Variants in ABLIM1 observed in about 807,000 individuals in gnomAD.
ABLIM1 encodes the protein actin binding LIM protein 1.
A neutral mutation model predicts 107.0 loss-of-function variants in ABLIM1; 40 were observed. That is an observed-to-expected ratio of 0.37 (90% CI 0.29 to 0.49). ABLIM1 has a LOEUF of 0.49. ABLIM1 is among the 20% of genes least tolerant of loss of function. ABLIM1 has a pLI of 0.97. For synonymous variants in ABLIM1, 357 were observed against 357.3 expected (o/e 1.00, Z 0.01); for missense variants, 857 against 1,008.5 (o/e 0.85, Z 2.04).
chr10:114,789,994 T>C, the ABLIM1 span, among the ~76,000 whole-genome samples: 1 of 152,224 alleles, frequency 6.6e-6, no homozygotes, highest in Non-Finnish European at 1.5e-5. Flanking sequence ...CGTTTCGCCA[T>C]GTTGGCCAGG....
upstream of ABLIM1, among the ~76,000 whole-genome samples, chr10:114,769,453 AAGAAAGAAAGAAAG>A (rs1303863271): frequency 1.6e-4 from 10 of 62,490 alleles, no homozygotes; most frequent in African/African-American, 4.8e-4. Flanking sequence ...GAAAGAAAGA[AAGAAAGAAAGAAAG>A]AAAGAAAGAA....
At chr10:114,523,298 C>T (rs114690294) in intron 6 of ABLIM1, among the ~76,000 whole-genome samples, 2,127 of 152,260 alleles carry the variant, frequency 0.014, 51 homozygotes, top group African/African-American at 0.048. Flanking sequence ...TTCAAGACAT[C>T]TGCCCCATCT....
At position 114,436,191 on chromosome 10, in the gene ABLIM1, C is replaced by T; in HGVS notation, c.*69G>A. 1 of 1,292,304 alleles carries T rather than the reference C, an allele frequency of 7.7e-7. No homozygotes were observed. 80.1% of individuals were successfully genotyped at this position (1,292,304 alleles called of 1,614,324 possible). The stretch of plus-strand genomic sequence containing the variant: ...GCAAATTCTCCAATCAAGTTTGGGC[C>T]TCAATATGACATCCTATGGGGCACC... On this transcript the variant is annotated 3_prime_UTR_variant, in exon 23 of 23. Transcript: ENST00000533213.
upstream of ABLIM1, among the ~76,000 whole-genome samples, chr10:114,689,179 T>G (rs2081013918): frequency 6.6e-6 from 1 of 152,136 alleles, no homozygotes; most frequent in Non-Finnish European, 1.5e-5. Flanking sequence ...ATCCAGCATG[T>G]GCCAGACCAG....
At position 114,515,750 on chromosome 10, in the gene ABLIM1, T is replaced by A. The variant is rs1317663772; in HGVS notation, c.895-23872A>T. 2.0e-5 allele frequency among the ~76,000 whole-genome samples: 3 copies of A among 152,126 alleles called. No homozygotes were observed. In the East Asian group the frequency reaches 5.8e-4, roughly 29 times the overall value. ...GGCTGTTAATCCACTATGACTGATGTCCTTATAAGAACAGAAGAGGGAGGG... is the reference window on the plus strand; with the variant it reads ...GGCTGTTAATCCACTATGACTGATGACCTTATAAGAACAGAAGAGGGAGGG... On this transcript the variant is annotated intron_variant, in intron 6 of 22. Coordinates refer to ENST00000533213, the MANE Select transcript of ABLIM1 (RefSeq NM_002313.7).
At chr10:114,605,156 C>T (rs1020814721) in intron 1 of ABLIM1, among the ~76,000 whole-genome samples, 5 of 152,176 alleles carry the variant, frequency 3.3e-5, no homozygotes, top group African/African-American at 4.8e-5. Context: ...AGGGCAGCAT[C>T]CAAAGAGCAG....
At chr10:114,661,843 G>A (rs187879653), upstream of ABLIM1, among the ~76,000 whole-genome samples, 226 of 152,184 alleles carry the variant, frequency 1.5e-3, no homozygotes, top group Middle Eastern at 3.4e-3. Context: ...TCACCAAGGG[G>A]CACTGAGGAC....
intron 4 of ABLIM1, among the ~76,000 whole-genome samples, chr10:114,554,912 C>A (rs2068533569): frequency 6.6e-6 from 1 of 152,070 alleles, no homozygotes; most frequent in African/African-American, 2.4e-5. Context: ...GGACCCTGGG[C>A]AAACTAGGCA....
At chr10:114,516,019 C>T (rs578171449) in intron 6 of ABLIM1, among the ~76,000 whole-genome samples, 52 of 152,278 alleles carry the variant, frequency 3.4e-4, no homozygotes, top group Admixed American at 3.3e-4. Flanking sequence ...CTCCAAAATA[C>T]AGCTGGTTTG....
chr10:114,640,056 C>T (rs535062943), intron 1 of ABLIM1, among the ~76,000 whole-genome samples: 23 of 152,298 alleles, frequency 1.5e-4, no homozygotes, highest in Non-Finnish European at 2.6e-4. Context: ...TATTATATTC[C>T]TTCCTATCCA....
At chr10:114,559,486 G>C (rs182428317) in intron 4 of ABLIM1, among the ~76,000 whole-genome samples, 2 of 107,222 alleles carry the variant, frequency 1.9e-5, no homozygotes, top group East Asian at 5.2e-4. Context: ...AAAGAAAAAA[G>C]AAAAAGATAC....
At chr10:114,797,856 C>T in the ABLIM1 span, among the ~76,000 whole-genome samples, 1 of 152,152 alleles carries the variant, frequency 6.6e-6, no homozygotes, top group Non-Finnish European at 1.5e-5. Flanking sequence ...AAATATTCCA[C>T]TCTGTGACCT....
At chr10:114,703,286 T>C (rs1175957653) in intron 1 of ABLIM1, among the ~76,000 whole-genome samples, 3 of 152,228 alleles carry the variant, frequency 2.0e-5, no homozygotes, top group Non-Finnish European at 4.4e-5. Flanking sequence ...ATCTCAAAGG[T>C]TACTTTTTCC....
rs970759079 is a variant in ABLIM1, at chr10:114,625,732, T to C, written c.245-23771A>G. Among the ~76,000 whole-genome samples, 12 of 152,018 alleles carry C rather than the reference T, an allele frequency of 7.9e-5. No individual in the cohort carries two copies. In the East Asian group the frequency reaches 2.3e-3, roughly 29 times the overall value. On this transcript the variant is annotated intron_variant, in intron 1 of 22. Coordinates refer to ENST00000533213, the MANE Select transcript of ABLIM1 (RefSeq NM_002313.7). Reference sequence around the variant, plus strand: ...ACCACCCCTGTGGTCATTCAAAAGGTAAAAGGGCTCAGGGTGGACATTAGC... The same window carrying C: ...ACCACCCCTGTGGTCATTCAAAAGGCAAAAGGGCTCAGGGTGGACATTAGC...
At chr10:114,659,109 T>A (rs193146605), upstream of ABLIM1, among the ~76,000 whole-genome samples, 3 of 152,324 alleles carry the variant, frequency 2.0e-5, no homozygotes, top group Non-Finnish European at 4.4e-5. Flanking sequence ...ATTGGGCTAT[T>A]ATGTTCTAAT....
intron 1 of ABLIM1, among the ~76,000 whole-genome samples, chr10:114,647,406 T>C (rs1403694903): frequency 6.6e-6 from 1 of 152,154 alleles, no homozygotes; most frequent in Non-Finnish European, 1.5e-5. Flanking sequence ...TAACAGAACA[T>C]ATCCAGCTAC....
chr10:114,694,978 T>TA (rs771226955), intron 1 of ABLIM1, among the ~76,000 whole-genome samples: 4 of 152,146 alleles, frequency 2.6e-5, no homozygotes, highest in Non-Finnish European at 4.4e-5. Flanking sequence ...ACTCTCCAGG[T>TA]ACTGAATCAG....
At chr10:114,436,482 G>A in intron 22 of ABLIM1, 109 bp from the exon 23 acceptor site, 1 of 795,208 alleles carries the variant, frequency 1.3e-6, no homozygotes, top group Non-Finnish European at 2.0e-6. Flanking sequence ...GAACAAGGCA[G>A]GAGGACGGGA....
chr10:114,504,195 C>T (rs1262282294), intron 6 of ABLIM1, among the ~76,000 whole-genome samples: 5 of 152,176 alleles, frequency 3.3e-5, no homozygotes, highest in Non-Finnish European at 7.3e-5. Context: ...TTATCAATTA[C>T]TTTTGTTAAC....
Sources: gnomAD v4.1 joint callset for allele counts (sites outside exome capture counted in the v4.1 genomes callset) on GRCh38, gnomAD v4.1.1 for gene constraint, MANE v1.5 for transcripts, NCBI Gene and HGNC (gene_info 2026-07-23, HGNC 2026-07-21) for gene names.